GLIPR1: variants seen among roughly 807,000 people sequenced by gnomAD.
GLIPR1 encodes GLI pathogenesis related 1, also known as glioma pathogenesis-related protein 1.
A neutral mutation model predicts 30.3 loss-of-function variants in GLIPR1; 38 were observed. The observed-to-expected ratio is 1.26, with a 90% CI of 0.97 to 1.65. The LOEUF is 1.65. GLIPR1 is among the 40% of genes most tolerant of loss of function. The pLI is 0.00. For synonymous variants in GLIPR1, 122 were observed against 110.6 expected (o/e 1.10, Z -0.65); for missense variants, 285 against 326.5 (o/e 0.87, Z 0.98).
At chr12:75,485,711 C>T (rs913446841) in intron 2 of GLIPR1, among the ~76,000 whole-genome samples, 2 of 151,406 alleles carry the variant, frequency 1.3e-5, no homozygotes, top group Admixed American at 6.6e-5. Flanking sequence ...CCACTACGCC[C>T]GGCTAATTTT....
intron 2 of GLIPR1, among the ~76,000 whole-genome samples, chr12:75,487,379 A>T (rs958132174): frequency 6.6e-6 from 1 of 152,256 alleles, no homozygotes; most frequent in South Asian, 2.1e-4. Context: ...CTGATTAGAA[A>T]GTAGAAGTTT....
In GLIPR1 at chr12:75,502,325, G is replaced by A. The variant is rs1031520162; in HGVS notation, c.*3347G>A. 41 of 208,432 alleles carry A rather than the reference G, an allele frequency of 2.0e-4. No homozygotes were observed. The highest frequency in any genetic ancestry group is 8.6e-4 in the African/African-American group (37 of 43,218). The allele number at this position is 208,432 out of a possible 1,614,324, so 12.9% of individuals were successfully genotyped here. Reference sequence around the variant, plus strand: ...AGAAGCTTCAATGGCAGACAAAGTAGGAGGGATAAGATTTAGAAATGACTG... The same window carrying A: ...AGAAGCTTCAATGGCAGACAAAGTAAGAGGGATAAGATTTAGAAATGACTG... On this transcript the variant is annotated 3_prime_UTR_variant, in exon 6 of 6. Coordinates refer to ENST00000266659, the MANE Select transcript of GLIPR1 (RefSeq NM_006851.3).
chr12:75,490,640 A>C (rs776739520), intron 3 of GLIPR1, 122 bp downstream of exon 3: 10 of 586,574 alleles, frequency 1.7e-5, no homozygotes, highest in Non-Finnish European at 2.7e-5. Flanking sequence ...GATAAAGTAT[A>C]AATAAAAAAT....
At chr12:75,490,234 C>CACACACACACA (rs1555239615) in intron 2 of GLIPR1, among the ~76,000 whole-genome samples, 172 bp from the exon 3 acceptor site, 1 of 143,114 alleles carries the variant, frequency 7.0e-6, no homozygotes. Flanking sequence ...CACACACACA[C>CACACACACACA]CCCAATAATG....
At chr12:75,492,895 T>C (rs1172535069) in intron 3 of GLIPR1, 1 of 152,148 alleles carries the variant, frequency 6.6e-6, no homozygotes, top group Non-Finnish European at 1.5e-5. Flanking sequence ...AAACTATCAA[T>C]AGGCAAGGCC....
At chr12:75,483,784 G>A (rs1414867744) in intron 2 of GLIPR1, 2 of 152,198 alleles carry the variant, frequency 1.3e-5, no homozygotes, top group African/African-American at 2.4e-5. Flanking sequence ...GGAAAGGGAA[G>A]AGAATTCTCA....
At position 75,490,477 on chromosome 12, in the gene GLIPR1, T is replaced by A; in HGVS notation, c.492T>A (p.Ala164=). Residue 164 remains alanine, a synonymous_variant, in exon 3 of 6, where the codon GCT becomes GCA. Transcript: ENST00000266659. ...QFCPKVSGFD[A]LSNGAHFICN... ...GCCCTAAAGTTTCTGGCTTTGACGC[T>A]CTTTCCAATGGAGCACATTTTATAT... is the stretch of plus-strand genomic sequence containing the variant. 1 of 1,595,460 alleles carries A rather than the reference T, an allele frequency of 6.3e-7. No homozygotes were observed. Among genetic ancestry groups the A allele is most frequent in the Non-Finnish European group, 8.6e-7 (1 of 1,168,254 alleles).
intron 2 of GLIPR1, among the ~76,000 whole-genome samples, chr12:75,488,020 G>A (rs1307014519): frequency 1.3e-5 from 2 of 152,256 alleles, no homozygotes; most frequent in East Asian, 1.9e-4. Flanking sequence ...TTTGTAAACT[G>A]TCATGGTGGG....
intron 2 of GLIPR1, among the ~76,000 whole-genome samples, chr12:75,485,573 C>A (rs2046290178): frequency 2.8e-5 from 1 of 35,402 alleles, no homozygotes; most frequent in African/African-American, 6.2e-5. Flanking sequence ...TTTTTTGAGA[C>A]GGAGTCTCGC....
Position 75,499,700 on chromosome 12 carries a change from A to C in GLIPR1, c.*722A>C, listed in dbSNP as rs1241931982. On this transcript the variant is annotated 3_prime_UTR_variant, in exon 6 of 6. Coordinates refer to ENST00000266659, the MANE Select transcript of GLIPR1 (RefSeq NM_006851.3). The stretch of plus-strand genomic sequence containing the variant: ...CTTCTATGAACAACCACCACCACCA[A>C]AAAAAAAAAAAGCCCTCAGAAAATT... 2.6e-5 allele frequency: 11 copies of C among 418,960 alleles called. No homozygotes were observed. The highest frequency in any genetic ancestry group is 7.2e-6 in the Non-Finnish European group (2 of 277,434). The allele number at this position is 418,960 out of a possible 1,614,324, so 26.0% of individuals were successfully genotyped here. A position where few individuals can be genotyped will look rare whatever the true frequency, so the allele number is the denominator to read the frequency against.
intron 4 of GLIPR1, chr12:75,498,206 A>G (rs993460118): frequency 6.6e-6 from 1 of 152,428 alleles, no homozygotes; most frequent in Non-Finnish European, 1.5e-5. Flanking sequence ...AGCTCAGTGA[A>G]AGGAGGACAG....
intron 3 of GLIPR1, chr12:75,493,650 T>C (rs1215390543): frequency 2.0e-5 from 3 of 152,344 alleles, no homozygotes; most frequent in East Asian, 1.9e-4. Flanking sequence ...CTTTAAAGAT[T>C]TGTCTTCGGT....
Position 75,481,837 on chromosome 12 carries a change from T to G in GLIPR1, c.178T>G (p.Trp60Gly). 1.2e-6 allele frequency: 2 copies of G among 1,614,022 alleles called. No homozygotes were observed. Among genetic ancestry groups the G allele is most frequent in the Middle Eastern group, 3.3e-4 (2 of 6,062 alleles). The change falls in exon 2 of 6, where the codon TGG (tryptophan) becomes GGG (glycine). Residue 60 changes from tryptophan (W) to glycine (G), a missense_variant. Trp to Gly is a radical substitution (Grantham distance 184, BLOSUM62 -2). Coordinates refer to ENST00000266659, the MANE Select transcript of GLIPR1 (RefSeq NM_006851.3). ...PTASDMLYMTWDPALAQIAKA... is the reference protein window; with the variant it reads ...PTASDMLYMTGDPALAQIAKA... ...TGTTTAATGTTTATTTTTGCAGACT[T>G]GGGACCCAGCACTAGCCCAAATTGC...
chr12:75,503,218 A>G lies in GLIPR1; in HGVS notation c.*4240A>G, dbSNP rs373862513. ...TTATCTGGTGGTCTCAAATATTTCA[A>G]TAAAATGCAATGTCATATGCTAAAC... On this transcript the variant is annotated 3_prime_UTR_variant, in exon 6 of 6. Transcript: ENST00000266659. 21 of 152,186 alleles carry G rather than the reference A, an allele frequency of 1.4e-4. No individual in the cohort carries two copies. The highest frequency in any genetic ancestry group is 3.4e-4 in the African/African-American group (14 of 41,456). The allele number at this position is 152,186 out of a possible 1,614,324, so 9.4% of individuals were successfully genotyped here. A position where few individuals can be genotyped will look rare whatever the true frequency, so the allele number is the denominator to read the frequency against.
chr12:75,499,017 T>C lies in GLIPR1; in HGVS notation c.*39T>C. 1.4e-6 allele frequency: 2 copies of C among 1,419,294 alleles called. No homozygotes were observed. The highest frequency in any genetic ancestry group is 1.9e-6 in the Non-Finnish European group (2 of 1,055,506). 87.9% of individuals were successfully genotyped at this position (1,419,294 alleles called of 1,614,324 possible). A position where few individuals can be genotyped will look rare whatever the true frequency, so the allele number is the denominator to read the frequency against. On this transcript the variant is annotated 3_prime_UTR_variant, in exon 6 of 6. Transcript: ENST00000266659. ...AGAAAAAACCCAAAAACCAACCTCA[T>C]TCACATATGGCTTTTTTTTTAACCA... is the stretch of plus-strand genomic sequence containing the variant.
At position 75,481,067 on chromosome 12, in the gene GLIPR1, T is replaced by C; in HGVS notation, c.174+13T>C. On this transcript the variant is annotated intron_variant, in intron 1 of 5. Transcript: ENST00000266659. ...TATGCTATACATGGTAAGGAAAATA[T>C]CATTAATTGTGGCGTCAGTCAGTCA... The C allele has an allele frequency of 6.3e-7, 1 of 1,592,020 alleles. No homozygotes were observed. The highest frequency in any genetic ancestry group is 8.6e-7 in the Non-Finnish European group (1 of 1,163,172).
At chr12:75,489,509 C>T (rs2046310066) in intron 2 of GLIPR1, among the ~76,000 whole-genome samples, 1 of 152,182 alleles carries the variant, frequency 6.6e-6, no homozygotes, top group Non-Finnish European at 1.5e-5. Flanking sequence ...ATAGGCCTCT[C>T]AAAATCAACA....
intron 2 of GLIPR1, among the ~76,000 whole-genome samples, chr12:75,489,136 G>T (rs752317612): frequency 1.6e-4 from 24 of 152,092 alleles, no homozygotes; most frequent in Admixed American, 1.6e-3. Context: ...TGAATTTGTG[G>T]AGCCCATTGC....
Position 75,503,782 on chromosome 12 carries a change from G to GCA in GLIPR1, c.*4817_*4818dup, listed in dbSNP as rs200628608. Reference sequence around the variant, plus strand: ...TTTACCCTCAGTTTCTTATAGCTCTGCACACACACACACAATATATATATA... The same window carrying GCA: ...TTTACCCTCAGTTTCTTATAGCTCTGCACACACACACACACAATATATATATA... On this transcript the variant is annotated 3_prime_UTR_variant, in exon 6 of 6. Transcript: ENST00000266659. 5.3e-4 allele frequency: 442 copies of GCA among 841,252 alleles called. 2 individuals are homozygous for GCA. The highest frequency in any genetic ancestry group is 2.6e-3 in the South Asian group (111 of 42,060). The allele number at this position is 841,252 out of a possible 1,614,324, so 52.1% of individuals were successfully genotyped here.
Sources: allele counts gnomAD v4.1 joint callset (sites outside exome capture counted in the v4.1 genomes callset), GRCh38; gene constraint gnomAD v4.1.1; transcripts MANE v1.5; gene names NCBI Gene and HGNC (gene_info 2026-07-23, HGNC 2026-07-21).